The following NPHS2 variants were observed in gnomAD, a reference collection of about 807,000 sequenced individuals.
NPHS2 encodes the protein NPHS2 stomatin family member, podocin.
NPHS2 carries 36 observed loss-of-function variants against 37.1 expected under a neutral mutation model. The ratio of observed to expected loss-of-function variants is 0.97; its 90% confidence interval spans 0.74 to 1.28. The LOEUF (loss-of-function observed/expected upper bound fraction) is 1.28. NPHS2 is among the 50% of genes most tolerant of loss of function. The pLI is 0.00. For synonymous variants in NPHS2, 196 were observed against 189.3 expected (o/e 1.04, Z -0.29); for missense variants, 447 against 488.1 (o/e 0.92, Z 0.79).
At chr1:179,562,249 A>G (rs915271846) in intron 2 of NPHS2, among the ~76,000 whole-genome samples, 4 of 152,242 alleles carry the variant, frequency 2.6e-5, no homozygotes, top group African/African-American at 9.6e-5. Context: ...AAGTTACTGC[A>G]CACTACTTTA....
At chr1:179,574,298 A>T (rs1050747597) in intron 1 of NPHS2, among the ~76,000 whole-genome samples, 1 of 152,206 alleles carries the variant, frequency 6.6e-6, no homozygotes, top group Admixed American at 6.5e-5. Flanking sequence ...TGGCTTCTCT[A>T]CTTCCCAGCT....
At chr1:179,553,930 TGAGATC>T (rs1673690153) in intron 6 of NPHS2, among the ~76,000 whole-genome samples, 2 of 150,390 alleles carry the variant, frequency 1.3e-5, no homozygotes, top group South Asian at 4.3e-4. Flanking sequence ...TTTTTTTTTT[TGAGATC>T]GAGTCTCGCT....
rs538731383 is a variant in NPHS2 at position 179,558,912 on chromosome 1, A to G, written c.534+767T>C. 7.9e-5 allele frequency among the ~76,000 whole-genome samples: 12 copies of G among 152,298 alleles called. No homozygotes were observed. In the South Asian group the frequency reaches 8.3e-4, roughly 11 times the overall value. ...TTCTTTGGATGTCATCCTTTGAGAA[A>G]TGTCTGTTCAAGTTCGTATTAGGGT... On this transcript the variant is annotated intron_variant, in intron 4 of 7. Transcript: ENST00000367615.
At chr1:179,553,794 T>A (rs181186863) in intron 6 of NPHS2, among the ~76,000 whole-genome samples, 2 of 152,264 alleles carry the variant, frequency 1.3e-5, no homozygotes, top group Non-Finnish European at 2.9e-5. Context: ...TCACCCGGGC[T>A]GGAGTGCAAT....
Position 179,559,690 on chromosome 1 carries a change from G to T in NPHS2, c.523C>A (p.Pro175Thr). The change falls in exon 4 of 8, where the codon CCT becomes ACT. Residue 175 changes from proline to threonine, a missense_variant. By Grantham distance (38) the Pro-to-Thr change is conservative. Transcript: ENST00000367615. ...ATCATTTGGCTTACCTCATGAAAAGGTATCTCCAGAGTTTGGAGACGAAGG... is the reference window on the plus strand; with the variant it reads ...ATCATTTGGCTTACCTCATGAAAAGTTATCTCCAGAGTTTGGAGACGAAGG... ...VDLRLQTLEI[P>T]FHEIVTKDMF... The T allele has an allele frequency of 6.3e-7, 1 of 1,585,240 alleles. No individual in the cohort carries two copies. The highest frequency in any genetic ancestry group is 8.6e-7 in the Non-Finnish European group (1 of 1,162,114).
rs1226651173 is a variant in NPHS2 at position 179,564,683 on chromosome 1, A to C, written c.378+7T>G. 2 of 1,612,164 alleles carry C rather than the reference A, an allele frequency of 1.2e-6. No individual in the cohort carries two copies. The highest frequency in any genetic ancestry group is 8.5e-7 in the Non-Finnish European group (1 of 1,178,246). ...AAATTACCTATTGGGTCCTTATGGA[A>C]TCTCACCTTTACGCAGAACCAGATG... On this transcript the variant is annotated splice_region_variant and intron_variant, in intron 2 of 7. Coordinates refer to ENST00000367615, the MANE Select transcript of NPHS2 (RefSeq NM_014625.4).
rs1327842593 is a variant in NPHS2 at position 179,575,728 on chromosome 1, G to A, written c.137C>T (p.Ser46Leu). ...RGRQEAGPEP[S>L]GSGRAGTPGE... ...CGGGGTCCCCGCCCGTCCGGAGCCC[G>A]ACGGCTCGGGCCCAGCCTCCTGGCG... Residue 46 changes from serine (S) to leucine (L), a missense_variant, in exon 1 of 8, where the codon TCG (serine) becomes TTG (leucine). Coordinates refer to ENST00000367615, the MANE Select transcript of NPHS2 (RefSeq NM_014625.4). The A allele has an allele frequency of 2.6e-6, 4 of 1,538,092 alleles. No individual in the cohort carries two copies. In the South Asian group the frequency reaches 4.8e-5, roughly 18 times the overall value.
chr1:179,552,348 T>A (rs1196038609), intron 7 of NPHS2: 2 of 549,034 alleles, frequency 3.6e-6, no homozygotes, highest in Non-Finnish European at 6.6e-6. Context: ...GGAGATGCCT[T>A]TAAGGAGAGA....
At position 179,556,595 on chromosome 1, in the gene NPHS2, G is replaced by GA. The variant is rs1673939636; in HGVS notation, c.738+431dup. 6.6e-6 allele frequency among the ~76,000 whole-genome samples: 1 copy of GA among 152,130 alleles called. No individual in the cohort carries two copies. The highest frequency in any genetic ancestry group is 2.1e-4 in the South Asian group (1 of 4,820). Reference sequence around the variant, plus strand: ...ATGACATCTTAGCTTTTGTTATCTGGAAGTCTTATTTGAACTTATTATTTA... The same window carrying GA: ...ATGACATCTTAGCTTTTGTTATCTGGAAAGTCTTATTTGAACTTATTATTTA... On this transcript the variant is annotated intron_variant, in intron 5 of 7. Transcript: ENST00000367615. This position sits in a 1 kb window ranked among gnomAD's most constrained non-coding sequence, Gnocchi z 4.1.
At chr1:179,552,296 A>G (rs931786594) in intron 7 of NPHS2, 1 of 441,966 alleles carries the variant, frequency 2.3e-6, no homozygotes, top group African/African-American at 2.0e-5. Context: ...ATTACCCAGG[A>G]AAAGATGCCA....
intron 1 of NPHS2, among the ~76,000 whole-genome samples, chr1:179,573,206 C>T (rs1436482873): frequency 6.6e-6 from 1 of 152,080 alleles, no homozygotes; most frequent in Non-Finnish European, 1.5e-5. Flanking sequence ...TTTTCATGCC[C>T]CAGAAAGGTC....
chr1:179,568,261 T>G (rs1211746833), intron 1 of NPHS2, among the ~76,000 whole-genome samples: 1 of 152,226 alleles, frequency 6.6e-6, no homozygotes, highest in Non-Finnish European at 1.5e-5. Flanking sequence ...GAGATTTGAC[T>G]TCTTCCTGGT....
At chr1:179,564,917 A>G in intron 1 of NPHS2, 124 bp from the exon 2 acceptor site, 1 of 793,744 alleles carries the variant, frequency 1.3e-6, no homozygotes, top group East Asian at 2.7e-5. Context: ...TGGAAATATT[A>G]GAATAAGTCA....
Position 179,575,876 on chromosome 1 carries a change from C to A in NPHS2, c.-12G>T. ...GCCCTCCTCTCCATCCTCAGAGCTGCCGGGCGGCTGGAGCAGCAGCGCGGG... is the reference window on the plus strand; with the variant it reads ...GCCCTCCTCTCCATCCTCAGAGCTGACGGGCGGCTGGAGCAGCAGCGCGGG... On this transcript the variant is annotated 5_prime_UTR_variant, in exon 1 of 8. Transcript: ENST00000367615. 1 of 1,397,688 alleles carries A rather than the reference C, an allele frequency of 7.2e-7. No homozygotes were observed. The highest frequency in any genetic ancestry group is 9.2e-7 in the Non-Finnish European group (1 of 1,084,122). The allele number at this position is 1,397,688 out of a possible 1,614,324, so 86.6% of individuals were successfully genotyped here. A position where few individuals can be genotyped will look rare whatever the true frequency, so the allele number is the denominator to read the frequency against.
intron 5 of NPHS2, chr1:179,554,736 G>A: frequency 1.5e-6 from 1 of 670,904 alleles, no homozygotes; most frequent in South Asian, 1.8e-5. Context: ...TGCAATTGAA[G>A]ATGGTGTGGT....
At chr1:179,569,540 C>G (rs1674472899) in intron 1 of NPHS2, among the ~76,000 whole-genome samples, 1 of 152,186 alleles carries the variant, frequency 6.6e-6, no homozygotes, top group African/African-American at 2.4e-5. Context: ...AGCCCACTTA[C>G]ATTTAAGGTT....
chr1:179,556,555 A>C lies in NPHS2; in HGVS notation c.738+472T>G, dbSNP rs954209953. Among the ~76,000 whole-genome samples, 2 of 152,236 alleles carry C rather than the reference A, an allele frequency of 1.3e-5. No homozygotes were observed. The highest frequency in any genetic ancestry group is 2.9e-5 in the Non-Finnish European group (2 of 68,040). On this transcript the variant is annotated intron_variant, in intron 5 of 7. Coordinates refer to ENST00000367615, the MANE Select transcript of NPHS2 (RefSeq NM_014625.4). This position sits in a 1 kb window ranked among gnomAD's most constrained non-coding sequence, Gnocchi z 4.1. ...ATCTAGACAATGGATTGGGTAATTC[A>C]TCATGTAAAGGTCTATGACATCTTA...
intron 1 of NPHS2, among the ~76,000 whole-genome samples, chr1:179,567,578 C>T (rs181356438): frequency 3.1e-4 from 47 of 152,246 alleles, no homozygotes; most frequent in Non-Finnish European, 6.2e-4. Context: ...TGCCTGATTG[C>T]CCTGGCCAGA....
chr1:179,561,286 T>A lies in NPHS2; in HGVS notation c.451+3A>T, dbSNP rs1389381980. ...GTTTAGAAAAAAAAGAGTGTTTTTT[T>A]ACCAGGGCCTTTGGCTCTTCCAGGA... On this transcript the variant is annotated splice_donor_region_variant and intron_variant, in intron 3 of 7. Transcript: ENST00000367615. 6.2e-7 allele frequency: 1 copy of A among 1,611,542 alleles called. No homozygotes were observed. The highest frequency in any genetic ancestry group is 8.5e-7 in the Non-Finnish European group (1 of 1,177,736).
Sources: allele counts gnomAD v4.1 joint callset (sites outside exome capture counted in the v4.1 genomes callset), GRCh38; gene constraint gnomAD v4.1.1; non-coding constraint Gnocchi (gnomAD v3.1); transcripts MANE v1.5; gene names NCBI Gene and HGNC (gene_info 2026-07-23, HGNC 2026-07-21).